Variants in GALNTL6 observed in about 807,000 individuals in gnomAD.
GALNTL6 encodes polypeptide N-acetylgalactosaminyltransferase-like 6.
Under a neutral mutation model 73.7 loss-of-function variants are expected in GALNTL6, and 46 were observed. The observed-to-expected ratio is 0.62, with a 90% CI of 0.49 to 0.80. The LOEUF (loss-of-function observed/expected upper bound fraction) is 0.80. GALNTL6 is among the 30% of genes least tolerant of loss of function. The pLI is 0.00. For synonymous variants in GALNTL6, 259 were observed against 263.7 expected (o/e 0.98, Z 0.17); for missense variants, 604 against 755.0 (o/e 0.80, Z 2.34).
At chr4:171,985,594 C>T (rs1740047298) in intron 2 of GALNTL6, among the ~76,000 whole-genome samples, 1 of 152,124 alleles carries the variant, frequency 6.6e-6, no homozygotes, top group Non-Finnish European at 1.5e-5. Context: ...TATTATGTTA[C>T]ACAGTGTTGA....
intron 3 of GALNTL6, among the ~76,000 whole-genome samples, chr4:172,259,516 G>A (rs1738187234): frequency 6.7e-6 from 1 of 150,024 alleles, no homozygotes; most frequent in African/African-American, 2.4e-5. Context: ...TTAGTCCTTT[G>A]TCGGATGCAC....
intron 5 of GALNTL6, among the ~76,000 whole-genome samples, chr4:172,370,435 C>A (rs1206221310): frequency 1.3e-5 from 2 of 151,782 alleles, no homozygotes; most frequent in Non-Finnish European, 2.9e-5. Context: ...ACCATTCTGG[C>A]TAACGTGGTG....
At chr4:172,729,692 G>C (rs941127568) in intron 5 of GALNTL6, among the ~76,000 whole-genome samples, 1 of 152,090 alleles carries the variant, frequency 6.6e-6, no homozygotes, top group African/African-American at 2.4e-5. Flanking sequence ...TGTTAATTTT[G>C]CACAGGATTG....
intron 7 of GALNTL6, among the ~76,000 whole-genome samples, chr4:172,863,964 A>C (rs1308764924): frequency 6.6e-6 from 1 of 152,166 alleles, no homozygotes; most frequent in Non-Finnish European, 1.5e-5. Flanking sequence ...TTCTCATGAT[A>C]GTGAATAAGT....
intron 7 of GALNTL6, among the ~76,000 whole-genome samples, chr4:172,876,652 A>T (rs555662578): frequency 1.3e-5 from 2 of 152,250 alleles, no homozygotes; most frequent in African/African-American, 4.8e-5. Context: ...TCTTATCCCC[A>T]TAGAACCTCG....
At position 171,845,574 on chromosome 4, in the gene GALNTL6, T is replaced by C. The variant is rs138065073; in HGVS notation, c.138+30856T>C. Among the ~76,000 whole-genome samples, 289 of 152,290 alleles carry C rather than the reference T, an allele frequency of 1.9e-3. 1 individual carries two copies. The highest frequency in any genetic ancestry group is 6.4e-3 in the African/African-American group (268 of 41,562). On this transcript the variant is annotated intron_variant, in intron 2 of 12. Transcript: ENST00000506823. The stretch of plus-strand genomic sequence containing the variant: ...TAATGGAACGTGAGCATAAGTCATA[T>C]ATCTCATTCTCAGCTAACAATTTAG...
At chr4:172,909,338 G>A (rs1445411008) in intron 8 of GALNTL6, among the ~76,000 whole-genome samples, 5 of 113,932 alleles carry the variant, frequency 4.4e-5, no homozygotes, top group East Asian at 5.0e-4. Context: ...AGCAATCAAC[G>A]AAAAGGTTAA....
chr4:172,721,986 CTT>C (rs11450428), intron 5 of GALNTL6, among the ~76,000 whole-genome samples: 1 of 116,948 alleles, frequency 8.6e-6, no homozygotes. Context: ...TGGCGGAAGG[CTT>C]TTTTTTTTTT....
intron 2 of GALNTL6, among the ~76,000 whole-genome samples, chr4:171,984,240 C>A (rs1739999327): frequency 6.6e-6 from 1 of 152,178 alleles, no homozygotes; most frequent in Admixed American, 6.5e-5. Flanking sequence ...CGCTTGCCAC[C>A]TACAGAGTCC....
In GALNTL6 at chr4:172,992,758, T is replaced by C. The variant is rs188274351; in HGVS notation, c.1372-16420T>C. Among the ~76,000 whole-genome samples, 560 of 152,118 alleles carry C rather than the reference T, an allele frequency of 3.7e-3. 2 individuals carry two copies. The highest frequency in any genetic ancestry group is 6.5e-3 in the Non-Finnish European group (441 of 67,986). On this transcript the variant is annotated intron_variant, in intron 10 of 12. Transcript: ENST00000506823. ...GTTATCTATAGGAGCAACTGGGAGG[T>C]TATTATCTTGTGGCCTTTGGCTGCA... is the stretch of plus-strand genomic sequence containing the variant.
chr4:172,177,817 G>GTATATATATACACACACATATA (rs1248713220), intron 2 of GALNTL6, among the ~76,000 whole-genome samples: 1,542 of 132,064 alleles, frequency 0.012, 32 homozygotes, highest in Non-Finnish European at 0.017. Context: ...ATATATGTGT[G>GTATATATATACACACACATATA]TGTATATATA....
intron 5 of GALNTL6, among the ~76,000 whole-genome samples, chr4:172,472,059 A>G (rs778157910): frequency 5.3e-5 from 8 of 152,218 alleles, no homozygotes; most frequent in Non-Finnish European, 1.2e-4. Flanking sequence ...CTATAGTACA[A>G]CATCTCCATG....
At chr4:172,177,752 T>TATCTACACATATATATACAC (rs1735054969) in intron 2 of GALNTL6, among the ~76,000 whole-genome samples, 1 of 132,736 alleles carries the variant, frequency 7.5e-6, no homozygotes, top group African/African-American at 3.6e-5. Flanking sequence ...TGTGTATATA[T>TATCTACACATATATATACAC]ATGTGTGTAT....
intron 3 of GALNTL6, among the ~76,000 whole-genome samples, chr4:172,268,156 A>G (rs1385411201): frequency 6.6e-6 from 1 of 152,234 alleles, no homozygotes; most frequent in Non-Finnish European, 1.5e-5. Context: ...TTCAAATTAT[A>G]CTACACAATA....
intron 6 of GALNTL6, among the ~76,000 whole-genome samples, chr4:172,812,009 AATGGATGGATGGATGGATGGATGG>A (rs71910847): frequency 6.1e-4 from 91 of 148,310 alleles, no homozygotes; most frequent in Non-Finnish European, 7.4e-4. Context: ...TGGATGGATA[AATGGATGGATGGATGGATGGATGG>A]ATGGATGGAT....
At chr4:172,165,024 G>A (rs1438078537) in intron 2 of GALNTL6, among the ~76,000 whole-genome samples, 3 of 152,064 alleles carry the variant, frequency 2.0e-5, no homozygotes, top group African/African-American at 7.2e-5. Context: ...AAGAGGTTAA[G>A]GAAAATCTGG....
intron 8 of GALNTL6, among the ~76,000 whole-genome samples, chr4:172,899,750 G>C (rs566779322): frequency 8.5e-5 from 13 of 152,282 alleles, no homozygotes; most frequent in Non-Finnish European, 1.8e-4. Flanking sequence ...GCAGCCCCAA[G>C]GTCTGCTGGT....
chr4:172,237,506 A>C (rs2110984588), intron 3 of GALNTL6, among the ~76,000 whole-genome samples: 1 of 152,254 alleles, frequency 6.6e-6, no homozygotes, highest in Non-Finnish European at 1.5e-5. Context: ...TCAGATGCAT[A>C]GTTTACAAAT....
intron 5 of GALNTL6, among the ~76,000 whole-genome samples, chr4:172,763,814 C>T (rs28712408): frequency 6.6e-6 from 1 of 152,110 alleles, no homozygotes; most frequent in Non-Finnish European, 1.5e-5. Context: ...AAATGAAGAC[C>T]TAAGAATCGT....
Sources: gnomAD v4.1 joint callset for allele counts (sites outside exome capture counted in the v4.1 genomes callset) on GRCh38, gnomAD v4.1.1 for gene constraint, MANE v1.5 for transcripts, NCBI Gene and HGNC (gene_info 2026-07-23, HGNC 2026-07-21) for gene names.